ATXN1: variants seen among roughly 807,000 people sequenced by gnomAD.
ATXN1 encodes ataxin 1.
In ATXN1, 8 loss-of-function variants were observed where a neutral mutation model predicts 56.4. The observed-to-expected ratio is 0.14, with a 90% CI of 0.08 to 0.26. The LOEUF is 0.26. ATXN1 is among the 10% of genes least tolerant of loss of function. ATXN1 has a pLI of 1.00. For missense variants in ATXN1, 987 were observed against 1,106.5 expected, an observed-to-expected ratio of 0.89 and a Z score of 1.53; for synonymous variants, 514 against 494.6, an observed-to-expected ratio of 1.04 and a Z score of -0.52.
intron 6 of ATXN1, among the ~76,000 whole-genome samples, chr6:16,334,940 A>G (rs1164258194): frequency 6.6e-6 from 1 of 152,192 alleles, no homozygotes; most frequent in East Asian, 1.9e-4. Flanking sequence ...AAAAAGCTGC[A>G]GCATTAGGAA....
chr6:16,679,237 T>G (rs1581358121), intron 2 of ATXN1, among the ~76,000 whole-genome samples: 3 of 149,430 alleles, frequency 2.0e-5, no homozygotes, highest in African/African-American at 7.4e-5. Flanking sequence ...AATAGATGGA[T>G]GGATGGGTGG....
chr6:16,515,965 C>G (rs1204890591), intron 5 of ATXN1, among the ~76,000 whole-genome samples: 1 of 152,142 alleles, frequency 6.6e-6, no homozygotes, highest in African/African-American at 2.4e-5. Flanking sequence ...GTCAGAAAGA[C>G]AAGATGGGAC....
At chr6:16,419,343 T>C (rs1015690640) in intron 6 of ATXN1, among the ~76,000 whole-genome samples, 13 of 152,330 alleles carry the variant, frequency 8.5e-5, no homozygotes, top group African/African-American at 2.9e-4. Context: ...ATTCCAATCA[T>C]TATTATAATT....
chr6:16,702,393 C>A (rs574632218), intron 2 of ATXN1, among the ~76,000 whole-genome samples: 11 of 152,238 alleles, frequency 7.2e-5, no homozygotes, highest in East Asian at 3.9e-4. Context: ...TAGAAGAAAA[C>A]CTAGGCAATA....
At chr6:16,365,811 T>C (rs1761906223) in intron 6 of ATXN1, among the ~76,000 whole-genome samples, 1 of 152,206 alleles carries the variant, frequency 6.6e-6, no homozygotes, top group Admixed American at 6.5e-5. Flanking sequence ...TTCCCAGCTG[T>C]AGAAACTTCC....
At chr6:16,606,867 T>TGTGTGTGTGTGTGTGTGTGTG (rs1554119511) in intron 3 of ATXN1, among the ~76,000 whole-genome samples, 21 of 126,810 alleles carry the variant, frequency 1.7e-4, no homozygotes, top group East Asian at 8.1e-4. Flanking sequence ...GTTCCATGAG[T>TGTGTGTGTGTGTGTGTGTGTG]TGTGTGTGTG....
intron 6 of ATXN1, among the ~76,000 whole-genome samples, chr6:16,399,269 T>C (rs1361069797): frequency 2.6e-5 from 4 of 152,192 alleles, no homozygotes; most frequent in African/African-American, 4.8e-5. Flanking sequence ...CAAGAGATGA[T>C]GGAGTTTCCA....
intron 4 of ATXN1, among the ~76,000 whole-genome samples, chr6:16,548,727 C>T (rs1043171435): frequency 6.6e-6 from 1 of 151,804 alleles, no homozygotes; most frequent in African/African-American, 2.4e-5. Flanking sequence ...AGTTTGAGAC[C>T]AGCCTGACCA....
intron 4 of ATXN1, among the ~76,000 whole-genome samples, chr6:16,557,326 CA>C (rs10551173): frequency 0.34 from 29,640 of 88,004 alleles, 2,171 homozygotes; most frequent in East Asian, 0.45. Context: ...AACCCCATTT[CA>C]AAAAAAAAAA....
At chr6:16,436,974 A>G (rs562487445) in intron 6 of ATXN1, among the ~76,000 whole-genome samples, 37 of 152,308 alleles carry the variant, frequency 2.4e-4, no homozygotes, top group African/African-American at 6.7e-4. Context: ...GGAGAAAAAG[A>G]GGCATCAAGG....
intron 6 of ATXN1, among the ~76,000 whole-genome samples, chr6:16,444,097 C>G: frequency 7.2e-6 from 1 of 139,320 alleles, no homozygotes; most frequent in Admixed American, 7.4e-5. Flanking sequence ...GCCTGGGCGA[C>G]AGAGCGAGGC....
At position 16,357,331 on chromosome 6, in the gene ATXN1, G is replaced by A. The variant is rs1263896107; in HGVS notation, c.-160-28861C>T. Among the ~76,000 whole-genome samples the A allele has an allele frequency of 6.0e-5, 9 of 150,998 alleles. No individual in the cohort carries two copies. The South Asian group carries it at 6.2e-4, about 10-fold the overall frequency. On this transcript the variant is annotated intron_variant, in intron 6 of 7. Transcript: ENST00000436367. The stretch of plus-strand genomic sequence containing the variant: ...GTCACCCAGGCTGGAGTGCAGTGGC[G>A]TGACCCCGGCTCACTGCAACCTCTG...
intron 5 of ATXN1, among the ~76,000 whole-genome samples, chr6:16,493,063 C>G (rs1760701327): frequency 6.6e-6 from 1 of 152,162 alleles, no homozygotes; most frequent in Non-Finnish European, 1.5e-5. Context: ...GCAGCCTGCT[C>G]ATTGGTCTTC....
chr6:16,471,191 A>AACATAC (rs1760209267), intron 6 of ATXN1, among the ~76,000 whole-genome samples: 1 of 148,010 alleles, frequency 6.8e-6, no homozygotes, highest in African/African-American at 2.5e-5. Flanking sequence ...TGGCAATTAA[A>AACATAC]ACACACACAC....
At chr6:16,411,230 C>A (rs1758793415) in intron 6 of ATXN1, among the ~76,000 whole-genome samples, 1 of 151,532 alleles carries the variant, frequency 6.6e-6, no homozygotes, top group South Asian at 2.1e-4. Context: ...TTAGTCTGTT[C>A]TCTTCAGGAA....
intron 6 of ATXN1, among the ~76,000 whole-genome samples, chr6:16,416,818 T>C (rs146780926): frequency 1.4e-4 from 22 of 152,210 alleles, no homozygotes; most frequent in African/African-American, 4.6e-4. Context: ...ATTCCTCTAG[T>C]AGGCCTTTAG....
chr6:16,652,169 T>C (rs1486050946), intron 3 of ATXN1: 2 of 152,150 alleles, frequency 1.3e-5, no homozygotes, highest in Non-Finnish European at 2.9e-5. Context: ...ACAAAAGGCA[T>C]TTTGGGTGCT....
rs148234033 is a variant in ATXN1, at chr6:16,520,407, C to A, written c.-299+2220G>T. ...AATTTGATGCCCTCTTGAATGTCAA[C>A]ATCAAAGTGCTCATGACCCCAGAAG... On this transcript the variant is annotated intron_variant, in intron 5 of 7. Coordinates refer to ENST00000436367, the MANE Select transcript of ATXN1 (RefSeq NM_001128164.2). 3.2e-4 allele frequency among the ~76,000 whole-genome samples: 49 copies of A among 152,206 alleles called. No homozygotes were observed. In the East Asian group the frequency reaches 9.5e-3, roughly 29 times the overall value.
At chr6:16,756,150 T>C (rs910444443) in intron 1 of ATXN1, among the ~76,000 whole-genome samples, 1 of 152,028 alleles carries the variant, frequency 6.6e-6, no homozygotes, top group Non-Finnish European at 1.5e-5. Context: ...AATATAATTA[T>C]AAAAGAATAA....
Sources: gnomAD v4.1 joint callset for allele counts (sites outside exome capture counted in the v4.1 genomes callset) on GRCh38, gnomAD v4.1.1 for gene constraint, MANE v1.5 for transcripts, NCBI Gene and HGNC (gene_info 2026-07-23, HGNC 2026-07-21) for gene names.